MYLK2: variants seen among roughly 807,000 people sequenced by gnomAD.
The protein encoded by MYLK2 is myosin light chain kinase 2, skeletal/cardiac muscle.
Under a neutral mutation model 58.2 loss-of-function variants are expected in MYLK2, and 27 were observed. The observed-to-expected ratio is 0.46, with a 90% confidence interval of 0.34 to 0.64. MYLK2 has a LOEUF of 0.64. MYLK2 is among the 30% of genes least tolerant of loss of function. The pLI is 0.01. For missense variants in MYLK2, 676 were observed against 764.3 expected (o/e 0.88, Z 1.36); for synonymous variants, 310 against 296.7 (o/e 1.04, Z -0.46).
rs41293104 is a variant in MYLK2 at position 31,823,538 on chromosome 20, T to A, written c.834T>A (p.Asn278Lys). ...PHRMVELRTG[N>K]VSSEFSMNSK... ...GCATGGTGGAGCTGAGGACCGGGAA[T>A]GTCAGCAGTGAATTCAGTATGAACT... The change falls in exon 5 of 13, where the codon AAT becomes AAA. Residue 278 changes from asparagine (N) to lysine (K), a missense_variant. Physicochemically the swap from Asn to Lys is moderately conservative, Grantham distance 94. Coordinates refer to ENST00000375985, the MANE Select transcript of MYLK2 (RefSeq NM_033118.4). The A allele has an allele frequency of 5.7e-4, 925 of 1,613,908 alleles. 2 individuals are homozygous for A. Among genetic ancestry groups the A allele is most frequent in the Non-Finnish European group, 7.4e-4 (877 of 1,180,020 alleles).
chr20:31,826,748 G>A, intron 7 of MYLK2, 34 bp downstream of exon 7: 1 of 1,614,030 alleles, frequency 6.2e-7, no homozygotes, highest in Non-Finnish European at 8.5e-7. Context: ...GGGCTGGGTG[G>A]GGGTACCACC....
rs150342605 is a variant in MYLK2 at position 31,820,198 on chromosome 20, A to G, written c.125A>G (p.Lys42Arg). Reference sequence around the variant, plus strand: ...AAAGACCCTGGCCCCCCAGACCCAAAGAAAGCTCCGGATCCACCCACCCTG... The same window carrying G: ...AAAGACCCTGGCCCCCCAGACCCAAGGAAAGCTCCGGATCCACCCACCCTG... ...AGKDPGPPDPKKAPDPPTLKK... is the reference protein window; with the variant it reads ...AGKDPGPPDPRKAPDPPTLKK... The change falls in exon 3 of 13, where the codon AAG becomes AGG. Residue 42 changes from lysine to arginine, a missense_variant. Transcript: ENST00000375985. 2.1e-5 allele frequency: 34 copies of G among 1,613,932 alleles called. No homozygotes were observed. Among genetic ancestry groups the G allele is most frequent in the Non-Finnish European group, 2.8e-5 (33 of 1,180,036 alleles).
In MYLK2 at chr20:31,821,732, T is replaced by C; in HGVS notation, c.767T>C (p.Ile256Thr). The C allele has an allele frequency of 4.4e-6, 7 of 1,598,064 alleles. No individual in the cohort carries two copies. Among genetic ancestry groups the C allele is most frequent in the Non-Finnish European group, 5.1e-6 (6 of 1,169,944 alleles). ...LTAREEDCFQILDDCPPPPAP... is the reference protein window; with the variant it reads ...LTAREEDCFQTLDDCPPPPAP... ...GCCAGGGAGGAGGACTGCTTCCAGA[T>C]TTTGGGTAGGCCAGGGGCAGGTGGG... The change falls in exon 4 of 13, where the codon ATT becomes ACT. Residue 256 changes from isoleucine (I) to threonine (T), a missense_variant. Physicochemically the swap from Ile to Thr is moderately conservative, Grantham distance 89. Around this residue, in one of 2 missense-constraint regions of MYLK2, gnomAD observed 370 missense variants for 467.8 expected, o/e 0.79. Transcript: ENST00000375985.
At chr20:31,823,684 G>A in intron 5 of MYLK2, 102 bp downstream of exon 5, 1 of 1,149,846 alleles carries the variant, frequency 8.7e-7, no homozygotes, top group Non-Finnish European at 1.3e-6. Flanking sequence ...ACACCCCGCT[G>A]AGACATGGCC....
At chr20:31,820,714 C>T (rs865818934) in intron 3 of MYLK2, among the ~76,000 whole-genome samples, 168 bp downstream of exon 3, 10 of 152,206 alleles carry the variant, frequency 6.6e-5, no homozygotes, top group African/African-American at 2.4e-4. Flanking sequence ...GCCTTGTCCC[C>T]TGCAGAAACC....
At chr20:31,819,654 T>G (rs1156353039) in intron 2 of MYLK2, 22 bp downstream of exon 2, 1 of 1,551,088 alleles carries the variant, frequency 6.4e-7, no homozygotes, top group African/African-American at 1.4e-5. Context: ...GGGCAGGAGA[T>G]GGAGGGAGGA....
chr20:31,834,016 A>C lies in MYLK2; in HGVS notation c.*219A>C, dbSNP rs1600415694. On this transcript the variant is annotated 3_prime_UTR_variant, in exon 13 of 13. Coordinates refer to ENST00000375985, the MANE Select transcript of MYLK2 (RefSeq NM_033118.4). ...TGTGGCCTGGATCCATCCTGCTAGC[A>C]CCTCCCCAGACAGGGCTCCAGCCTG... 1.8e-6 allele frequency: 1 copy of C among 570,560 alleles called. No individual in the cohort carries two copies. The highest frequency in any genetic ancestry group is 3.1e-6 in the Non-Finnish European group (1 of 318,896). 35.3% of individuals were successfully genotyped at this position (570,560 alleles called of 1,614,324 possible). A position where few individuals can be genotyped will look rare whatever the true frequency, so the allele number is the denominator to read the frequency against.
At position 31,833,807 on chromosome 20, in the gene MYLK2, G is replaced by T. The variant is rs369599364; in HGVS notation, c.*10G>T. 1 of 1,610,574 alleles carries T rather than the reference G, an allele frequency of 6.2e-7. No homozygotes were observed. The highest frequency in any genetic ancestry group is 8.5e-7 in the Non-Finnish European group (1 of 1,179,150). The stretch of plus-strand genomic sequence containing the variant: ...GGCTCTGGGGGTCTGAGCCCTGGGC[G>T]CAGCTGAAGCCTGGACGCAGCCACA... On this transcript the variant is annotated 3_prime_UTR_variant, in exon 13 of 13. Transcript: ENST00000375985.
rs575357063 is a variant in MYLK2 at position 31,819,536 on chromosome 20, G to A, written c.-45G>A. The A allele has an allele frequency of 6.4e-7, 1 of 1,551,144 alleles. No individual in the cohort carries two copies. Among genetic ancestry groups the A allele is most frequent in the African/African-American group, 1.4e-5 (1 of 73,168 alleles). ...CACTCCACTCTTGTTTCTGCAGCTA[G>A]AAAGACTTGAGTTAGACAAGCAGCA... is the stretch of plus-strand genomic sequence containing the variant. On this transcript the variant is annotated 5_prime_UTR_variant, in exon 2 of 13. Coordinates refer to ENST00000375985, the MANE Select transcript of MYLK2 (RefSeq NM_033118.4).
intron 11 of MYLK2, 68 bp from the exon 12 acceptor site, chr20:31,831,936 G>A (rs2062308489): frequency 5.0e-6 from 8 of 1,612,996 alleles, no homozygotes; most frequent in African/African-American, 1.3e-5. Flanking sequence ...GCCAGGTAGA[G>A]AGGCCAGCTG....
rs786205283 is a variant in MYLK2 at position 31,820,189 on chromosome 20, C to T, written c.116C>T (p.Pro39Leu). The T allele has an allele frequency of 2.5e-6, 4 of 1,613,932 alleles. No homozygotes were observed. The highest frequency in any genetic ancestry group is 2.7e-5 in the African/African-American group (2 of 74,926). The change falls in exon 3 of 13, where the codon CCA becomes CTA. Residue 39 changes from proline to leucine, a missense_variant. Coordinates refer to ENST00000375985, the MANE Select transcript of MYLK2 (RefSeq NM_033118.4). ...GCTGCAGGGAAAGACCCTGGCCCCC[C>T]AGACCCAAAGAAAGCTCCGGATCCA... The part of the protein sequence containing the change: ...PLAAGKDPGP[P>L]DPKKAPDPPT...
In MYLK2 at chr20:31,831,071, G is replaced by C. The variant is rs2062304072; in HGVS notation, c.1354G>C (p.Glu452Gln). The stretch of plus-strand genomic sequence containing the variant: ...TGGGACCCCAGAGTTCCTGTCACCT[G>C]AGGTGGTGAATTATGACCAAATCTC... ...NFGTPEFLSP[E>Q]VVNYDQISDK... Residue 452 changes from glutamate (E) to glutamine (Q), a missense_variant, in exon 10 of 13, where the codon GAG becomes CAG. This residue lies in a region of MYLK2 where 370 missense variants were observed against 467.8 expected (regional missense o/e 0.79). Coordinates refer to ENST00000375985, the MANE Select transcript of MYLK2 (RefSeq NM_033118.4). 6.2e-7 allele frequency: 1 copy of C among 1,614,170 alleles called. No individual in the cohort carries two copies. The highest frequency in any genetic ancestry group is 8.5e-7 in the Non-Finnish European group (1 of 1,180,018).
rs973110087 is a variant in MYLK2, at chr20:31,821,188, A to T, written c.474-251A>T. The stretch of plus-strand genomic sequence containing the variant: ...TGAATCAAGAGCTACATAACTCCCT[A>T]GTTGTATCCACATGATGATTAACCA... On this transcript the variant is annotated intron_variant, in intron 3 of 12. Coordinates refer to ENST00000375985, the MANE Select transcript of MYLK2 (RefSeq NM_033118.4). Among the ~76,000 whole-genome samples, 5 of 152,364 alleles carry T rather than the reference A, an allele frequency of 3.3e-5. No individual in the cohort carries two copies. In the South Asian group the frequency reaches 1.0e-3, roughly 32 times the overall value.
At position 31,819,612 on chromosome 20, in the gene MYLK2, GA is replaced by G; in HGVS notation, c.34del (p.Ile12PhefsTer39). The G allele has an allele frequency of 1.3e-6, 2 of 1,551,594 alleles. No individual in the cohort carries two copies. The highest frequency in any genetic ancestry group is 1.7e-6 in the Non-Finnish European group (2 of 1,147,010). ...ACAGAAAATGGAGCAGTTGAGCTGGGAATTCAGAACCCATCAACAGGTGCCA... is the reference window on the plus strand; with the variant it reads ...ACAGAAAATGGAGCAGTTGAGCTGGGATTCAGAACCCATCAACAGGTGCCA... MATENGAVEL[G>X]IQNPSTDKAP... On this transcript the variant is annotated frameshift_variant, in exon 2 of 13. Coordinates refer to ENST00000375985, the MANE Select transcript of MYLK2 (RefSeq NM_033118.4). LOFTEE classifies it high-confidence loss of function.
At chr20:31,831,218 GGGTCTTGGTAA>G in intron 10 of MYLK2, 77 bp downstream of exon 10, 1 of 1,606,588 alleles carries the variant, frequency 6.2e-7, no homozygotes, top group Admixed American at 1.7e-5. Flanking sequence ...ATTGGCCCTA[GGGTCTTGGTAA>G]GGTGGTCCCA....
chr20:31,828,234 C>T (rs2123136685), intron 8 of MYLK2: 1 of 985,392 alleles, frequency 1.0e-6, no homozygotes, highest in East Asian at 1.1e-4. Context: ...TTGTCCGTAG[C>T]TGTCCGGAGC....
chr20:31,831,154 G>C lies in MYLK2; in HGVS notation c.1424+13G>C. The C allele has an allele frequency of 6.2e-7, 1 of 1,614,070 alleles. No individual in the cohort carries two copies. The highest frequency in any genetic ancestry group is 8.5e-7 in the Non-Finnish European group (1 of 1,179,974). On this transcript the variant is annotated intron_variant, in intron 10 of 12. Transcript: ENST00000375985. Reference sequence around the variant, plus strand: ...TCACCTACATGCTGTGAGCTCCCAGGCGGGTCGTGTTTATGGGGTTGGTGG... The same window carrying C: ...TCACCTACATGCTGTGAGCTCCCAGCCGGGTCGTGTTTATGGGGTTGGTGG...
Position 31,831,019 on chromosome 20 carries a change from C to T in MYLK2, c.1302C>T (p.Asn434=), listed in dbSNP as rs1258589539. The T allele has an allele frequency of 5.6e-6, 9 of 1,614,036 alleles. No individual in the cohort carries two copies. The highest frequency in any genetic ancestry group is 6.8e-6 in the Non-Finnish European group (8 of 1,180,028). Residue 434 remains asparagine (N), a synonymous_variant, in exon 10 of 13, where the codon AAC becomes AAT. Coordinates refer to ENST00000375985, the MANE Select transcript of MYLK2 (RefSeq NM_033118.4). ...CCCTTGGTCTCACCCCCAGGTATAA[C>T]CCCAACGAGAAGCTGAAGGTGAACT... ...IIDFGLARRY[N]PNEKLKVNFG...
Position 31,826,842 on chromosome 20 carries a change from C to A in MYLK2, c.1128C>A (p.Tyr376Ter). The A allele has an allele frequency of 6.2e-7, 1 of 1,614,130 alleles. No homozygotes were observed. The highest frequency in any genetic ancestry group is 8.5e-7 in the Non-Finnish European group (1 of 1,180,034). ...TCGAGAGGATTGTGGATGAGGACTA[C>A]CATCTGACCGAGGTGGACACCATGG... is the stretch of plus-strand genomic sequence containing the variant. The part of the protein sequence containing the change: ...ELFERIVDED[Y>*]HLTEVDTMVF... The change falls in exon 8 of 13, where the codon TAC (tyrosine) becomes TAA (stop). Residue 376 changes from tyrosine (Y) to a stop codon, truncating the protein, a stop_gained. Coordinates refer to ENST00000375985, the MANE Select transcript of MYLK2 (RefSeq NM_033118.4). LOFTEE classifies it high-confidence loss of function.
Sources: allele counts gnomAD v4.1 joint callset (sites outside exome capture counted in the v4.1 genomes callset), GRCh38; gene constraint gnomAD v4.1.1; regional missense constraint gnomAD v4.1.1; transcripts MANE v1.5; gene names NCBI Gene and HGNC (gene_info 2026-07-23, HGNC 2026-07-21).